Variants in SEPTIN6 observed in about 807,000 individuals in gnomAD.
The protein encoded by SEPTIN6 is septin 6.
SEPTIN6 carries 8 observed loss-of-function variants against 33.6 expected under a neutral mutation model. The ratio of observed to expected loss-of-function variants is 0.24; its 90% CI spans 0.14 to 0.43. The LOEUF (loss-of-function observed/expected upper bound fraction) is 0.43. Among genes scored for constraint, SEPTIN6 ranks in the 20% least tolerant of loss-of-function variants. SEPTIN6 has a pLI of 1.00. For missense variants in SEPTIN6, 250 were observed against 340.8 expected (o/e 0.73, Z 2.10); for synonymous variants, 131 against 140.0 (o/e 0.94, Z 0.45).
chrX:119,651,165 G>A (rs1229497332), intron 4 of SEPTIN6, among the ~76,000 whole-genome samples: 2 of 111,555 alleles, frequency 1.8e-5, no homozygotes, highest in African/African-American at 6.5e-5. Flanking sequence ...AGCTCCAGAC[G>A]TGGAAGAAAA....
At chrX:119,683,666 T>C (rs1237144717) in intron 1 of SEPTIN6, among the ~76,000 whole-genome samples, 1 of 112,127 alleles carries the variant, frequency 8.9e-6, no homozygotes, top group East Asian at 2.8e-4. Flanking sequence ...GTAGGTGATG[T>C]TGCTTTTCTG....
In SEPTIN6 at chrX:119,624,262, G is replaced by A. The variant is rs1017516066; in HGVS notation, c.*41+1073C>T. On this transcript the variant is annotated intron_variant, in intron 10 of 10. Coordinates refer to ENST00000394610, the MANE Select transcript of SEPTIN6 (RefSeq NM_145799.4). ...GCGATCTCGGCTCACTGCAACCTCC[G>A]CCTCCCAGGTTCAAGCAATTCTCCT... Among the ~76,000 whole-genome samples the A allele has an allele frequency of 1.0e-4, 11 of 107,089 alleles. 1 individual carries two copies. The highest frequency in any genetic ancestry group is 9.6e-3 in the Middle Eastern group (2 of 209). 93.0% of individuals were successfully genotyped at this position (107,089 alleles called of 115,157 possible).
At chrX:119,625,418 T>C in intron 9 of SEPTIN6, 39 bp from the exon 10 acceptor site, 14 of 1,146,941 alleles carry the variant, frequency 1.2e-5, no homozygotes, top group Non-Finnish European at 1.6e-5. Context: ...GGAGTGAGCA[T>C]GAGGGGAAAT....
chrX:119,656,681 T>G (rs112017369), intron 3 of SEPTIN6, among the ~76,000 whole-genome samples: 9,035 of 110,098 alleles, frequency 0.082, 322 homozygotes, highest in South Asian at 0.12. Context: ...AGGTCAGGAG[T>G]TCGAGACCAG....
chrX:119,629,062 G>A (rs1288456495), intron 9 of SEPTIN6: 1 of 329,362 alleles, frequency 3.0e-6, no homozygotes, highest in Non-Finnish European at 5.3e-6. Context: ...GAGTTTGCAG[G>A]GCTTTCCTGA....
chrX:119,635,440 C>T (rs1350493892), intron 7 of SEPTIN6, among the ~76,000 whole-genome samples: 1 of 110,565 alleles, frequency 9.0e-6, no homozygotes, highest in African/African-American at 3.3e-5. Flanking sequence ...AGGAAAGAAT[C>T]CCGGGGGGTA....
chrX:119,617,873 A>C lies in SEPTIN6; in HGVS notation c.*2220T>G. The C allele has an allele frequency of 1.2e-6, 1 of 802,909 alleles. No homozygotes were observed. Among genetic ancestry groups the C allele is most frequent in the Non-Finnish European group, 1.5e-6 (1 of 668,676 alleles). 66.2% of individuals were successfully genotyped at this position (802,909 alleles called of 1,213,427 possible). On this transcript the variant is annotated 3_prime_UTR_variant, in exon 11 of 11. Coordinates refer to ENST00000394610, the MANE Select transcript of SEPTIN6 (RefSeq NM_145799.4). Reference sequence around the variant, plus strand: ...TCCTTAGTTTCTGAAGGTCTCTCCAAGGCTGTGTGGGTCTAATACTTTTGA... The same window carrying C: ...TCCTTAGTTTCTGAAGGTCTCTCCACGGCTGTGTGGGTCTAATACTTTTGA...
intron 1 of SEPTIN6, among the ~76,000 whole-genome samples, chrX:119,685,624 T>A (rs1426373632): frequency 2.7e-5 from 3 of 111,237 alleles, no homozygotes; most frequent in Non-Finnish European, 3.8e-5. Flanking sequence ...AGTGCTAGGA[T>A]CCAGGCCCCT....
intron 9 of SEPTIN6, among the ~76,000 whole-genome samples, chrX:119,628,197 A>C (rs2053888236): frequency 9.4e-6 from 1 of 106,012 alleles, no homozygotes; most frequent in African/African-American, 3.5e-5. Context: ...ATCTCAGCTT[A>C]CTGTAACCTA....
At chrX:119,688,800 T>G (rs2055105299) in intron 1 of SEPTIN6, among the ~76,000 whole-genome samples, 1 of 109,894 alleles carries the variant, frequency 9.1e-6, no homozygotes, top group South Asian at 3.8e-4. Flanking sequence ...CAAAAACCCC[T>G]CAAATTTAGA....
intron 1 of SEPTIN6, among the ~76,000 whole-genome samples, chrX:119,677,022 G>A (rs184575280): frequency 1.3e-4 from 15 of 112,232 alleles, no homozygotes; most frequent in Non-Finnish European, 2.6e-4. Context: ...AGCCCTTAGC[G>A]TAGTGCCTAG....
At chrX:119,631,952 A>G (rs1341879061) in intron 8 of SEPTIN6, among the ~76,000 whole-genome samples, 1 of 109,099 alleles carries the variant, frequency 9.2e-6, no homozygotes, top group Non-Finnish European at 1.9e-5. Flanking sequence ...TAGCAGAGAC[A>G]GGGTTTCACC....
chrX:119,670,955 GCTCT>G (rs1370203703), intron 2 of SEPTIN6, among the ~76,000 whole-genome samples: 2 of 104,086 alleles, frequency 1.9e-5, no homozygotes, highest in Admixed American at 1.1e-4. Context: ...AAAAAAAAAT[GCTCT>G]CTCTTAGTTG....
intron 1 of SEPTIN6, among the ~76,000 whole-genome samples, chrX:119,690,869 G>A (rs1441524432): frequency 9.1e-6 from 1 of 110,480 alleles, no homozygotes. Context: ...AGTTAACTCC[G>A]TCTTCCCTGG....
chrX:119,669,262 A>G (rs2054702387), intron 2 of SEPTIN6, among the ~76,000 whole-genome samples: 1 of 113,035 alleles, frequency 8.8e-6, no homozygotes, highest in South Asian at 3.6e-4. Flanking sequence ...CAGTCATTCA[A>G]CGAGTATTTA....
chrX:119,680,844 G>A (rs781101588), intron 1 of SEPTIN6, among the ~76,000 whole-genome samples: 1 of 108,659 alleles, frequency 9.2e-6, no homozygotes, highest in African/African-American at 3.4e-5. Flanking sequence ...GGCTGGGCGC[G>A]GTGGCAGATG....
rs1455023579 is a variant in SEPTIN6 at position 119,618,135 on chromosome X, C to G, written c.*1958G>C. The stretch of plus-strand genomic sequence containing the variant: ...ACCTGACAGGCCTAACTCAGCATCT[C>G]TCTGAGCTACTGGCTGAGTATCTGA... On this transcript the variant is annotated 3_prime_UTR_variant, in exon 11 of 11. Transcript: ENST00000394610. 1 of 792,049 alleles carries G rather than the reference C, an allele frequency of 1.3e-6. No homozygotes were observed. The highest frequency in any genetic ancestry group is 1.5e-6 in the Non-Finnish European group (1 of 663,306). The allele number at this position is 792,049 out of a possible 1,213,427, so 65.3% of individuals were successfully genotyped here. A position where few individuals can be genotyped will look rare whatever the true frequency, so the allele number is the denominator to read the frequency against.
chrX:119,616,062 A>G (rs1294263070), downstream of SEPTIN6: 4 of 184,134 alleles, frequency 2.2e-5, no homozygotes, highest in Non-Finnish European at 4.1e-5. Context: ...CTCTCCCTCC[A>G]GATCCCAGGT....
intron 3 of SEPTIN6, among the ~76,000 whole-genome samples, chrX:119,656,509 C>T (rs2054444164): frequency 8.9e-6 from 1 of 112,071 alleles, no homozygotes; most frequent in Non-Finnish European, 1.9e-5. Context: ...GGAGGTGGGA[C>T]TTGGTGAACC....
Sources: allele counts gnomAD v4.1 joint callset (sites outside exome capture counted in the v4.1 genomes callset), GRCh38; gene constraint gnomAD v4.1.1; transcripts MANE v1.5; gene names NCBI Gene and HGNC (gene_info 2026-07-23, HGNC 2026-07-21).